Variants in AGBL4 observed in about 807,000 individuals in gnomAD.
The protein encoded by AGBL4 is cytosolic carboxypeptidase 6.
In AGBL4, 58 loss-of-function variants were observed where a neutral mutation model predicts 66.4. That is an observed-to-expected ratio of 0.87 (90% CI 0.71 to 1.09). The LOEUF (loss-of-function observed/expected upper bound fraction) is 1.09. AGBL4 is among the 50% of genes least tolerant of loss of function. The probability of loss-of-function intolerance (pLI) is 0.00; values close to 1 mark genes in which losing one functional copy is unlikely to be tolerated. For missense variants in AGBL4, 579 were observed against 631.0 expected (o/e 0.92, Z 0.88); for synonymous variants, 234 against 222.9 (o/e 1.05, Z -0.44).
At chr1:49,002,179 G>A (rs1661440912) in intron 5 of AGBL4, among the ~76,000 whole-genome samples, 1 of 152,194 alleles carries the variant, frequency 6.6e-6, no homozygotes, top group Non-Finnish European at 1.5e-5. Context: ...TTCTATGTAA[G>A]TTCAGAGGCA....
intron 6 of AGBL4, among the ~76,000 whole-genome samples, chr1:48,778,143 C>CCAT: frequency 6.8e-6 from 1 of 146,138 alleles, no homozygotes; most frequent in Admixed American, 6.7e-5. Flanking sequence ...CCACATCCAT[C>CCAT]CATCCATCCA....
At chr1:48,798,457 G>T (rs1004477450) in intron 6 of AGBL4, among the ~76,000 whole-genome samples, 8 of 152,046 alleles carry the variant, frequency 5.3e-5, no homozygotes, top group African/African-American at 1.9e-4. Flanking sequence ...TATTTCTTTT[G>T]CTGTGTAGAA....
intron 4 of AGBL4, among the ~76,000 whole-genome samples, chr1:49,137,987 G>A (rs1272879336): frequency 2.0e-5 from 3 of 152,098 alleles, no homozygotes; most frequent in East Asian, 1.9e-4. Context: ...TTACATACAC[G>A]AAGATAGGGA....
intron 3 of AGBL4, among the ~76,000 whole-genome samples, chr1:49,550,156 G>A (rs1035587001): frequency 6.6e-6 from 1 of 152,066 alleles, no homozygotes; most frequent in Non-Finnish European, 1.5e-5. Flanking sequence ...ATCCTTTTAA[G>A]TTTATGTGAG....
At position 48,548,861 on chromosome 1, in the gene AGBL4, G is replaced by A. The variant is rs1456698875; in HGVS notation, c.1268-9123C>T. Among the ~76,000 whole-genome samples, 7 of 152,280 alleles carry A rather than the reference G, an allele frequency of 4.6e-5. No individual in the cohort carries two copies. In the East Asian group the frequency reaches 5.8e-4, roughly 13 times the overall value. On this transcript the variant is annotated intron_variant, in intron 11 of 13. Transcript: ENST00000371839. ...CTGATGAGTCACATCAAGTATTGGC[G>A]CAAGGAGGATTGAAACCCATTGATT...
At chr1:49,255,341 TA>T (rs1652393780) in intron 3 of AGBL4, among the ~76,000 whole-genome samples, 1 of 151,800 alleles carries the variant, frequency 6.6e-6, no homozygotes, top group African/African-American at 2.4e-5. Context: ...ACAACCCCAT[TA>T]AAAAGCGGGC....
At chr1:49,646,882 C>T (rs1236887048) in intron 3 of AGBL4, among the ~76,000 whole-genome samples, 2 of 151,676 alleles carry the variant, frequency 1.3e-5, no homozygotes, top group South Asian at 4.2e-4. Flanking sequence ...ATGTAAATGG[C>T]CTTCAACAAA....
intron 6 of AGBL4, among the ~76,000 whole-genome samples, chr1:48,812,724 T>G (rs960576473): frequency 2.6e-5 from 4 of 151,972 alleles, no homozygotes; most frequent in Non-Finnish European, 4.4e-5. Flanking sequence ...TGTCCAACAA[T>G]GATAGACTGG....
At chr1:48,781,302 C>A (rs1557989568) in intron 6 of AGBL4, among the ~76,000 whole-genome samples, 1 of 152,136 alleles carries the variant, frequency 6.6e-6, no homozygotes, top group Non-Finnish European at 1.5e-5. Flanking sequence ...TAAAGAGATA[C>A]CCTTGGACGG....
chr1:49,762,579 A>AT (rs1318775775), intron 2 of AGBL4, among the ~76,000 whole-genome samples: 1 of 151,690 alleles, frequency 6.6e-6, no homozygotes, highest in Non-Finnish European at 1.5e-5. Flanking sequence ...TGCCCAGCTA[A>AT]TTTTTTGTAT....
intron 1 of AGBL4, among the ~76,000 whole-genome samples, chr1:49,948,137 TGTAAATATATATAAATATAC>T (rs1420793137): frequency 1.5e-4 from 15 of 103,320 alleles, no homozygotes; most frequent in Admixed American, 2.8e-4. Flanking sequence ...TATAAATATA[TGTAAATATATATAAATATAC>T]GTAAATATAT....
intron 3 of AGBL4, among the ~76,000 whole-genome samples, chr1:49,587,043 A>C (rs192548589): frequency 6.6e-6 from 1 of 152,238 alleles, no homozygotes; most frequent in East Asian, 1.9e-4. Context: ...CAGGAGTTCA[A>C]GACCAGCCTG....
chr1:49,543,812 T>C (rs1023318925), intron 3 of AGBL4, among the ~76,000 whole-genome samples: 6 of 152,190 alleles, frequency 3.9e-5, no homozygotes, highest in African/African-American at 1.4e-4. Flanking sequence ...CTTTGGGATA[T>C]GCACTGTGAA....
At chr1:49,214,472 C>T (rs1648916671) in intron 4 of AGBL4, among the ~76,000 whole-genome samples, 1 of 152,104 alleles carries the variant, frequency 6.6e-6, no homozygotes, top group East Asian at 1.9e-4. Context: ...AATTCTGCCT[C>T]TCCAGGTGTG....
intron 6 of AGBL4, among the ~76,000 whole-genome samples, chr1:48,783,493 A>T (rs1210294463): frequency 6.6e-6 from 1 of 152,088 alleles, no homozygotes; most frequent in African/African-American, 2.4e-5. Context: ...TGTCATGTAG[A>T]TGACAGATTG....
intron 7 of AGBL4, among the ~76,000 whole-genome samples, chr1:48,657,452 C>T (rs768169144): frequency 6.6e-6 from 1 of 152,118 alleles, no homozygotes; most frequent in Non-Finnish European, 1.5e-5. Context: ...CCGGCTGCAG[C>T]GTGGAATGCT....
intron 3 of AGBL4, among the ~76,000 whole-genome samples, chr1:49,290,551 G>A (rs1406176930): frequency 6.6e-6 from 1 of 152,152 alleles, no homozygotes; most frequent in Non-Finnish European, 1.5e-5. Context: ...GTATTAAGAA[G>A]GGGAAAGGAT....
At chr1:49,292,903 G>A (rs772760288) in intron 3 of AGBL4, among the ~76,000 whole-genome samples, 35 of 152,278 alleles carry the variant, frequency 2.3e-4, no homozygotes, top group East Asian at 3.9e-4. Flanking sequence ...ATAAGAACTC[G>A]GAACCTGTTG....
At chr1:49,759,427 C>T (rs1286488885) in intron 2 of AGBL4, among the ~76,000 whole-genome samples, 1 of 152,132 alleles carries the variant, frequency 6.6e-6, no homozygotes, top group African/African-American at 2.4e-5. Context: ...CAGTCTAGAA[C>T]TGCCTAAGGG....
Sources: gnomAD v4.1 joint callset for allele counts (sites outside exome capture counted in the v4.1 genomes callset) on GRCh38, gnomAD v4.1.1 for gene constraint, MANE v1.5 for transcripts, NCBI Gene and HGNC (gene_info 2026-07-23, HGNC 2026-07-21) for gene names.